VCAN: variants seen among roughly 807,000 people sequenced by gnomAD.
VCAN encodes versican, also known as versican core protein.
In VCAN, 44 loss-of-function variants were observed where a neutral mutation model predicts 245.5. The observed-to-expected ratio is 0.18, with a 90% CI of 0.14 to 0.23. The LOEUF is 0.23. Ranked by LOEUF, VCAN falls within the 10% of genes least tolerant of loss-of-function variation. The probability of loss-of-function intolerance (pLI) is 1.00; values close to 1 mark genes in which losing one functional copy is unlikely to be tolerated. For synonymous variants in VCAN, 1,413 were observed against 1,437.0 expected (o/e 0.98, Z 0.38); for missense variants, 3,793 against 4,057.9 (o/e 0.93, Z 1.77).
At chr5:83,501,523 C>G (rs768319908) in intron 5 of VCAN, among the ~76,000 whole-genome samples, 11 of 151,934 alleles carry the variant, frequency 7.2e-5, no homozygotes, top group Non-Finnish European at 1.3e-4. Context: ...GGATGTGGTC[C>G]CAGCACCATT....
At chr5:83,513,569 G>A (rs1040193724) in intron 6 of VCAN, among the ~76,000 whole-genome samples, 6 of 152,156 alleles carry the variant, frequency 3.9e-5, no homozygotes, top group South Asian at 2.1e-4. Flanking sequence ...AACTTTCTGA[G>A]TGTTAAAGCC....
At chr5:83,576,311 G>T (rs1323053140) in intron 13 of VCAN, among the ~76,000 whole-genome samples, 1 of 151,874 alleles carries the variant, frequency 6.6e-6, no homozygotes, top group African/African-American at 2.4e-5. Context: ...TAAATAAGTG[G>T]GATCATACTG....
At chr5:83,528,230 A>C (rs1746374852) in intron 7 of VCAN, among the ~76,000 whole-genome samples, 1 of 152,188 alleles carries the variant, frequency 6.6e-6, no homozygotes, top group South Asian at 2.1e-4. Context: ...GAAGGAATCA[A>C]GAAAGGCAGG....
At position 83,554,937 on chromosome 5, in the gene VCAN, G is replaced by T. The variant is rs1747611448; in HGVS notation, c.9653-19G>T. 6.2e-7 allele frequency: 1 copy of T among 1,610,076 alleles called. No individual in the cohort carries two copies. The highest frequency in any genetic ancestry group is 8.5e-7 in the Non-Finnish European group (1 of 1,176,608). ...ATGGAAAAGTAGTACAAATATCTGTGTGGTTTCCTATCCCTTAGGTGTGGG... is the reference window on the plus strand; with the variant it reads ...ATGGAAAAGTAGTACAAATATCTGTTTGGTTTCCTATCCCTTAGGTGTGGG... On this transcript the variant is annotated intron_variant, in intron 11 of 14. Coordinates refer to ENST00000265077, the MANE Select transcript of VCAN (RefSeq NM_004385.5).
At chr5:83,536,924 G>A in intron 7 of VCAN, 83 bp from the exon 8 acceptor site, 1 of 1,198,700 alleles carries the variant, frequency 8.3e-7, no homozygotes, top group Non-Finnish European at 1.2e-6. Context: ...GTGTGTGGGT[G>A]TGACCAGCCT....
chr5:83,493,235 A>G (rs1745039789), intron 3 of VCAN, among the ~76,000 whole-genome samples: 1 of 152,162 alleles, frequency 6.6e-6, no homozygotes. Flanking sequence ...TGGTGTTCCC[A>G]TGATTGCGTG....
chr5:83,543,731 A>G (rs1561260797), intron 8 of VCAN, among the ~76,000 whole-genome samples: 3 of 152,212 alleles, frequency 2.0e-5, no homozygotes, highest in Non-Finnish European at 4.4e-5. Flanking sequence ...GTTAAGTTTG[A>G]TGAATGAGAA....
chr5:83,473,283 T>C (rs1354842135), intron 1 of VCAN, among the ~76,000 whole-genome samples: 1 of 151,974 alleles, frequency 6.6e-6, no homozygotes, highest in African/African-American at 2.4e-5. Context: ...GAGAGCGGGG[T>C]AGAAAAATAG....
At chr5:83,513,862 G>T (rs1745752047) in intron 6 of VCAN, among the ~76,000 whole-genome samples, 1 of 152,158 alleles carries the variant, frequency 6.6e-6, no homozygotes, top group Admixed American at 6.5e-5. Flanking sequence ...TGTGGGGAAG[G>T]CATTGGAGAG....
intron 6 of VCAN, among the ~76,000 whole-genome samples, chr5:83,516,534 G>A (rs983896047): frequency 1.3e-5 from 2 of 152,214 alleles, no homozygotes; most frequent in African/African-American, 4.8e-5. Context: ...AGAGAAGATG[G>A]CCCATAGGAC....
Position 83,520,533 on chromosome 5 carries a change from A to G in VCAN, c.2227A>G (p.Met743Val), listed in dbSNP as rs1746042881. Residue 743 changes from methionine (M) to valine (V), a missense_variant, in exon 7 of 15, where the codon ATG (methionine) becomes GTG (valine). Met to Val is a conservative substitution (Grantham distance 21, BLOSUM62 1). This residue lies in a region of VCAN where 3,182 missense variants were observed against 3,250.3 expected (regional missense o/e 0.98). Transcript: ENST00000265077. ...PIHVTESSVEMTKSFDFPTLI... is the reference protein window; with the variant it reads ...PIHVTESSVEVTKSFDFPTLI... ...TCATGTTACAGAGTCTTCTGTGGAA[A>G]TGACCAAGTCTTTTGATTTCCCAAC... The G allele has an allele frequency of 6.2e-7, 1 of 1,614,040 alleles. No individual in the cohort carries two copies. Among genetic ancestry groups the G allele is most frequent in the Non-Finnish European group, 8.5e-7 (1 of 1,179,966 alleles).
Position 83,490,317 on chromosome 5 carries a change from A to G in VCAN, c.290A>G (p.Tyr97Cys), listed in dbSNP as rs1744937670. 1 of 1,614,096 alleles carries G rather than the reference A, an allele frequency of 6.2e-7. No homozygotes were observed. The highest frequency in any genetic ancestry group is 8.5e-7 in the Non-Finnish European group (1 of 1,180,048). Residue 97 changes from tyrosine to cysteine, a missense_variant, in exon 3 of 15, where the codon TAC becomes TGC. Coordinates refer to ENST00000265077, the MANE Select transcript of VCAN (RefSeq NM_004385.5). ...GGAAATATCAAGATTGGTCAGGACTACAAAGGGAGAGTGTCTGTGCCCACA... is the reference window on the plus strand; with the variant it reads ...GGAAATATCAAGATTGGTCAGGACTGCAAAGGGAGAGTGTCTGTGCCCACA... Reference protein sequence around the residue: ...QNGNIKIGQDYKGRVSVPTHP... With the variant: ...QNGNIKIGQDCKGRVSVPTHP...
intron 10 of VCAN, among the ~76,000 whole-genome samples, chr5:83,552,005 A>T (rs1249086798): frequency 6.6e-6 from 1 of 152,230 alleles, no homozygotes; most frequent in Non-Finnish European, 1.5e-5. Flanking sequence ...CTTCCAGTGC[A>T]CATTACTCAA....
intron 6 of VCAN, among the ~76,000 whole-genome samples, chr5:83,519,098 C>T (rs1287631500): frequency 1.3e-5 from 2 of 152,190 alleles, no homozygotes; most frequent in Non-Finnish European, 2.9e-5. Flanking sequence ...AACAGTCATG[C>T]ATACTTTTAG....
chr5:83,534,860 T>C (rs1469598656), intron 7 of VCAN, among the ~76,000 whole-genome samples: 1 of 151,876 alleles, frequency 6.6e-6, no homozygotes, highest in Non-Finnish European at 1.5e-5. Flanking sequence ...ACATTCTGTT[T>C]TCATAGCACA....
chr5:83,493,680 G>C lies in VCAN; in HGVS notation c.580G>C (p.Glu194Gln). Residue 194 changes from glutamate (E) to glutamine (Q), a missense_variant, in exon 4 of 15, where the codon GAG becomes CAG. By Grantham distance (29) the Glu-to-Gln change is conservative. Transcript: ENST00000265077. ...QLFAAYEDGF[E>Q]QCDAGWLADQ... ...CTTTGCTGCCTATGAAGATGGATTT[G>C]AGCAGTGTGACGCAGGCTGGCTGGC... 6.2e-7 allele frequency: 1 copy of C among 1,614,146 alleles called. No individual in the cohort carries two copies. The highest frequency in any genetic ancestry group is 8.5e-7 in the Non-Finnish European group (1 of 1,180,026).
At position 83,547,957 on chromosome 5, in the gene VCAN, C is replaced by G; in HGVS notation, c.9380-14C>G. On this transcript the variant is annotated splice_polypyrimidine_tract_variant and intron_variant, in intron 9 of 14. Transcript: ENST00000265077. ...TTTGAAAGTATTTTGTGAGCTTTTA[C>G]TATTTTGTTTCAGATTTTGATGAAT... 1 of 1,577,216 alleles carries G rather than the reference C, an allele frequency of 6.3e-7. No individual in the cohort carries two copies. Among genetic ancestry groups the G allele is most frequent in the Non-Finnish European group, 8.7e-7 (1 of 1,146,480 alleles).
At chr5:83,554,920 G>A in intron 11 of VCAN, 36 bp from the exon 12 acceptor site, 1 of 1,580,188 alleles carries the variant, frequency 6.3e-7, no homozygotes, top group Non-Finnish European at 8.7e-7. Flanking sequence ...ATATGGAAAA[G>A]TAGTACAAAT....
intron 1 of VCAN, among the ~76,000 whole-genome samples, chr5:83,482,201 G>T (rs563352348): frequency 6.6e-6 from 1 of 152,238 alleles, no homozygotes; most frequent in South Asian, 2.1e-4. Context: ...CTTACTCATG[G>T]ATGCAAAATC....
Sources: gnomAD v4.1 joint callset for allele counts (sites outside exome capture counted in the v4.1 genomes callset) on GRCh38, gnomAD v4.1.1 for gene constraint, gnomAD v4.1.1 regional missense constraint, MANE v1.5 for transcripts, NCBI Gene and HGNC (gene_info 2026-07-23, HGNC 2026-07-21) for gene names.